The following EVC2 variants were observed in gnomAD, a reference collection of about 807,000 sequenced individuals.
The protein encoded by EVC2 is EvC ciliary complex subunit 2, also known as limbin.
EVC2 carries 148 observed loss-of-function variants against 149.3 expected under a neutral mutation model. That is an observed-to-expected ratio of 0.99 (90% confidence interval 0.87 to 1.14). The LOEUF is 1.14. Ranked by LOEUF, EVC2 falls within the 50% of genes most tolerant of loss-of-function variation. The pLI, the probability that EVC2 is intolerant of heterozygous loss-of-function variation, is 0.00. For synonymous variants in EVC2, 776 were observed against 649.9 expected (o/e 1.19, Z -2.95); for missense variants, 1,854 against 1,627.3 (o/e 1.14, Z -2.40).
intron 21 of EVC2, among the ~76,000 whole-genome samples, chr4:5,554,479 A>T (rs746749416): frequency 6.6e-6 from 1 of 152,206 alleles, no homozygotes; most frequent in Non-Finnish European, 1.5e-5. Flanking sequence ...ACCTCACCAG[A>T]TGATCATGAT....
At position 5,637,284 on chromosome 4, in the gene EVC2, C is replaced by A. The variant is rs961455745; in HGVS notation, c.1470+3230G>T. Among the ~76,000 whole-genome samples the A allele has an allele frequency of 6.6e-6, 1 of 152,166 alleles. No homozygotes were observed. The highest frequency in any genetic ancestry group is 1.5e-5 in the Non-Finnish European group (1 of 68,026). On this transcript the variant is annotated intron_variant, in intron 10 of 21. Coordinates refer to ENST00000344408, the MANE Select transcript of EVC2 (RefSeq NM_147127.5). The surrounding 1 kb of genome is among the most constrained non-coding windows in gnomAD (Gnocchi z 4.4). Reference sequence around the variant, plus strand: ...TCACATGGGGCGCACAGCAGGGGGACGTAACCTCCACTGCAGGAGGGGGCA... The same window carrying A: ...TCACATGGGGCGCACAGCAGGGGGAAGTAACCTCCACTGCAGGAGGGGGCA...
intron 21 of EVC2, among the ~76,000 whole-genome samples, chr4:5,543,850 C>A (rs527797129): frequency 1.3e-5 from 2 of 152,314 alleles, no homozygotes; most frequent in East Asian, 3.9e-4. Context: ...GCATCCACCA[C>A]CCCTGCATAG....
the EVC2 span, among the ~76,000 whole-genome samples, chr4:5,536,188 T>G: frequency 1.3e-5 from 2 of 152,248 alleles, no homozygotes; most frequent in East Asian, 3.9e-4. Flanking sequence ...AAATATTCAA[T>G]GCAAATATAT....
intron 7 of EVC2, among the ~76,000 whole-genome samples, chr4:5,674,674 A>G (rs1323587998): frequency 6.6e-6 from 1 of 152,206 alleles, no homozygotes; most frequent in East Asian, 1.9e-4. Flanking sequence ...CAGGATGTGC[A>G]AAACCAGAGC....
rs147859339 is a variant in EVC2, at chr4:5,682,065, G to T, written c.817-752C>A. Reference sequence around the variant, plus strand: ...AAATGGTAATCATATTCAACTCACAGAATTGCTATGAAGATTAACTTAGGT... The same window carrying T: ...AAATGGTAATCATATTCAACTCACATAATTGCTATGAAGATTAACTTAGGT... On this transcript the variant is annotated intron_variant, in intron 6 of 21. Coordinates refer to ENST00000344408, the MANE Select transcript of EVC2 (RefSeq NM_147127.5). 3.9e-3 allele frequency among the ~76,000 whole-genome samples: 593 copies of T among 152,316 alleles called. 5 individuals carry two copies. Among genetic ancestry groups the T allele is most frequent in the African/African-American group, 0.014 (567 of 41,572 alleles).
At chr4:5,666,300 T>C (rs929091402) in intron 7 of EVC2, among the ~76,000 whole-genome samples, 1 of 152,130 alleles carries the variant, frequency 6.6e-6, no homozygotes, top group Non-Finnish European at 1.5e-5. Flanking sequence ...CTACAAATTT[T>C]AAAAGACAAT....
rs770163191 is a variant in EVC2, at chr4:5,576,356, G to A, written c.3156C>T (p.Ala1052=). The change falls in exon 18 of 22, where the codon GCC becomes GCT. Residue 1052 remains alanine (A), a synonymous_variant. Coordinates refer to ENST00000344408, the MANE Select transcript of EVC2 (RefSeq NM_147127.5). The surrounding 1 kb of genome is among the most constrained non-coding windows in gnomAD (Gnocchi z 4.5). ...GTTCGTTCAGAATCCCGGGCCCATC[G>A]GCCACCCACTGCTGCCAGCTCGCCA... ...QALASWQQWV[A]DGPGILNEPG... is the part of the protein sequence containing the mutation. 1.4e-5 allele frequency: 23 copies of A among 1,614,098 alleles called. No individual in the cohort carries two copies. Among genetic ancestry groups the A allele is most frequent in the Middle Eastern group, 3.3e-4 (2 of 6,062 alleles).
chr4:5,632,933 G>A (rs1716660143), intron 10 of EVC2, among the ~76,000 whole-genome samples: 1 of 152,146 alleles, frequency 6.6e-6, no homozygotes, highest in Non-Finnish European at 1.5e-5. Flanking sequence ...TTGAGCATGG[G>A]AATGAATCTG....
chr4:5,699,087 G>A (rs1347177074), intron 1 of EVC2, among the ~76,000 whole-genome samples: 1 of 152,202 alleles, frequency 6.6e-6, no homozygotes, highest in East Asian at 1.9e-4. Context: ...GCTGGAGGCT[G>A]ATTTTCCCCC....
Position 5,586,081 on chromosome 4 carries a change from C to T in EVC2, c.2830-1231G>A, listed in dbSNP as rs753523002. On this transcript the variant is annotated intron_variant, in intron 16 of 21. Transcript: ENST00000344408. ...TTCACCATGTTGCCCAGGCTGGTCTCGAACGCCTGGCCTCAAGTGATCTAC... is the reference window on the plus strand; with the variant it reads ...TTCACCATGTTGCCCAGGCTGGTCTTGAACGCCTGGCCTCAAGTGATCTAC... Among the ~76,000 whole-genome samples the T allele has an allele frequency of 1.5e-4, 23 of 152,220 alleles. No homozygotes were observed. In the East Asian group the frequency reaches 3.5e-3, roughly 23 times the overall value.
intron 16 of EVC2, among the ~76,000 whole-genome samples, chr4:5,592,472 C>A (rs745511487): frequency 6.6e-6 from 1 of 152,130 alleles, no homozygotes; most frequent in African/African-American, 2.4e-5. Flanking sequence ...GAGAGAGCCC[C>A]GCCAAATACC....
intron 15 of EVC2, among the ~76,000 whole-genome samples, chr4:5,617,834 T>C (rs768909321): frequency 2.6e-5 from 4 of 152,112 alleles, no homozygotes; most frequent in Non-Finnish European, 5.9e-5. Flanking sequence ...AGGAGGTCTC[T>C]CTAGGATCAA....
At chr4:5,703,722 T>C (rs573159215) in intron 1 of EVC2, among the ~76,000 whole-genome samples, 8 of 152,208 alleles carry the variant, frequency 5.3e-5, no homozygotes, top group African/African-American at 1.9e-4. Flanking sequence ...GAACACTATT[T>C]AGGAAAATTA....
chr4:5,584,831 C>T lies in EVC2; in HGVS notation c.2849G>A (p.Arg950Gln), dbSNP rs545856107. 3.8e-5 allele frequency: 61 copies of T among 1,614,034 alleles called. No homozygotes were observed. Among genetic ancestry groups the T allele is most frequent in the South Asian group, 9.9e-5 (9 of 91,084 alleles). ...LVEKVRGELL[R>Q]ERVQRMEAQE... The stretch of plus-strand genomic sequence containing the variant: ...TGCCTCCATCCGCTGCACTCTCTCC[C>T]GCAGCAATTCACCTCGAACCTGGGA... Residue 950 changes from arginine to glutamine, a missense_variant, in exon 17 of 22, where the codon CGG becomes CAG. Transcript: ENST00000344408.
At chr4:5,632,080 C>T (rs1423650079) in intron 10 of EVC2, 48 bp from the exon 11 acceptor site, 2 of 1,609,894 alleles carry the variant, frequency 1.2e-6, no homozygotes, top group African/African-American at 2.7e-5. Flanking sequence ...ACTGAACATG[C>T]ACCTACATGT....
intron 16 of EVC2, among the ~76,000 whole-genome samples, chr4:5,602,363 A>G (rs2108812350): frequency 6.6e-6 from 1 of 151,668 alleles, no homozygotes; most frequent in Non-Finnish European, 1.5e-5. Flanking sequence ...AAAAGTAACT[A>G]AAAAGGAAAC....
intron 21 of EVC2, among the ~76,000 whole-genome samples, chr4:5,544,797 C>T (rs943428061): frequency 7.2e-5 from 11 of 152,146 alleles, no homozygotes; most frequent in African/African-American, 2.7e-4. Flanking sequence ...GATTGGGACC[C>T]ACAGATCAAA....
At chr4:5,615,997 C>T (rs140534377) in intron 15 of EVC2, among the ~76,000 whole-genome samples, 2,070 of 152,296 alleles carry the variant, frequency 0.014, 21 homozygotes, top group Non-Finnish European at 0.023. Context: ...GCCACGTTGG[C>T]GGACAGGACC....
At chr4:5,573,226 G>A (rs868005722) in intron 19 of EVC2, among the ~76,000 whole-genome samples, 18 of 152,308 alleles carry the variant, frequency 1.2e-4, no homozygotes, top group African/African-American at 2.2e-4. Flanking sequence ...CTTATAAGGC[G>A]AAGGGTACTT....
Sources: allele counts gnomAD v4.1 joint callset (sites outside exome capture counted in the v4.1 genomes callset), GRCh38; gene constraint gnomAD v4.1.1; non-coding constraint Gnocchi (gnomAD v3.1); transcripts MANE v1.5; gene names NCBI Gene and HGNC (gene_info 2026-07-23, HGNC 2026-07-21).